Variants in MYLK2 observed in about 807,000 individuals in gnomAD.
The protein encoded by MYLK2 is myosin light chain kinase 2, also known as myosin light chain kinase 2, skeletal/cardiac muscle.
Under a neutral mutation model 58.2 loss-of-function variants are expected in MYLK2, and 27 were observed. The ratio of observed to expected loss-of-function variants is 0.46; its 90% confidence interval spans 0.34 to 0.64. MYLK2 has a LOEUF of 0.64. Ranked by LOEUF, MYLK2 falls within the 30% of genes least tolerant of loss-of-function variation. MYLK2 has a pLI of 0.01. For synonymous variants in MYLK2, 310 were observed against 296.7 expected (o/e 1.04, Z -0.46); for missense variants, 676 against 764.3 (o/e 0.88, Z 1.36).
Position 31,833,790 on chromosome 20 carries a change from G to A in MYLK2, c.1784G>A (p.Gly595Glu), listed in dbSNP as rs2062319347. 5 of 1,612,616 alleles carry A rather than the reference G, an allele frequency of 3.1e-6. No homozygotes were observed. The highest frequency in any genetic ancestry group is 1.7e-5 in the Admixed American group (1 of 60,010). Residue 595 changes from glycine (G) to glutamate (E), a missense_variant, in exon 13 of 13, where the codon GGG (glycine) becomes GAG (glutamate). This residue lies in a region of MYLK2 where 370 missense variants were observed against 467.8 expected (regional missense o/e 0.79). Coordinates refer to ENST00000375985, the MANE Select transcript of MYLK2 (RefSeq NM_033118.4). ...AGCTCGGGGGCACTGATGGCTCTGG[G>A]GGTCTGAGCCCTGGGCGCAGCTGAA... The part of the protein sequence containing the change: ...ISSSGALMAL[G>E]V
At chr20:31,823,815 G>A (rs752238917) in intron 5 of MYLK2, 3 of 521,012 alleles carry the variant, frequency 5.8e-6, no homozygotes, top group Non-Finnish European at 7.4e-6. Flanking sequence ...GCTTCCGTAG[G>A]AAATACACAG....
chr20:31,822,033 C>A (rs907096737), intron 4 of MYLK2, among the ~76,000 whole-genome samples: 12 of 152,152 alleles, frequency 7.9e-5, no homozygotes, highest in African/African-American at 2.9e-4. Flanking sequence ...GGACTACAGG[C>A]GTGTACAACC....
chr20:31,823,520 G>T lies in MYLK2; in HGVS notation c.816G>T (p.Val272=). 6.2e-7 allele frequency: 1 copy of T among 1,613,832 alleles called. No individual in the cohort carries two copies. Among genetic ancestry groups the T allele is most frequent in the Non-Finnish European group, 8.5e-7 (1 of 1,180,024 alleles). Residue 272 remains valine, a synonymous_variant, in exon 5 of 13, where the codon GTG becomes GTT. Transcript: ENST00000375985. ...PPPAPFPHRM[V]ELRTGNVSSE... ...CGGCCCCCTTCCCTCACCGCATGGT[G>T]GAGCTGAGGACCGGGAATGTCAGCA...
chr20:31,820,219 C>T lies in MYLK2; in HGVS notation c.146C>T (p.Thr49Ile), dbSNP rs776859238. The change falls in exon 3 of 13, where the codon ACC becomes ATC. Residue 49 changes from threonine (T) to isoleucine (I), a missense_variant. This residue lies in a region of MYLK2 where 306 missense variants were observed against 296.5 expected (regional missense o/e 1.03). Coordinates refer to ENST00000375985, the MANE Select transcript of MYLK2 (RefSeq NM_033118.4). The part of the protein sequence containing the change: ...PDPKKAPDPP[T>I]LKKDAKAPAS... ...CCAAAGAAAGCTCCGGATCCACCCA[C>T]CCTGAAGAAAGATGCCAAAGCCCCT... 19 of 1,613,992 alleles carry T rather than the reference C, an allele frequency of 1.2e-5. No homozygotes were observed. Among genetic ancestry groups the T allele is most frequent in the Non-Finnish European group, 1.6e-5 (19 of 1,180,012 alleles).
chr20:31,824,166 T>A (rs1293428275), intron 5 of MYLK2, 93 bp from the exon 6 acceptor site: 1 of 1,548,726 alleles, frequency 6.5e-7, no homozygotes, highest in African/African-American at 1.4e-5. Context: ...GAGGCACCAC[T>A]GGGTCTGGGA....
chr20:31,829,662 G>A (rs1600412718), intron 8 of MYLK2, among the ~76,000 whole-genome samples: 1 of 152,368 alleles, frequency 6.6e-6, no homozygotes, highest in Non-Finnish European at 1.5e-5. Flanking sequence ...ATCTCAGGCT[G>A]TTAGTGGCAA....
At chr20:31,830,705 C>T (rs891689284) in intron 8 of MYLK2, 114 bp from the exon 9 acceptor site, 2 of 1,091,434 alleles carry the variant, frequency 1.8e-6, no homozygotes, top group African/African-American at 1.5e-5. Flanking sequence ...TGGCAGCTGC[C>T]CACTCTGGCA....
At chr20:31,830,918 G>A (rs767904737) in intron 9 of MYLK2, 29 bp downstream of exon 9, 2 of 1,504,800 alleles carry the variant, frequency 1.3e-6, no homozygotes, top group Non-Finnish European at 1.8e-6. Context: ...GGGAGGGCAA[G>A]ACAAGCCTCT....
chr20:31,825,801 G>T (rs1440280778), intron 6 of MYLK2, among the ~76,000 whole-genome samples: 1 of 152,170 alleles, frequency 6.6e-6, no homozygotes, highest in Non-Finnish European at 1.5e-5. Flanking sequence ...AGAGAGGCCC[G>T]ATTTACAGCA....
Position 31,833,798 on chromosome 20 carries a change from G to T in MYLK2, c.*1G>T, listed in dbSNP as rs749491327. 2 of 1,612,096 alleles carry T rather than the reference G, an allele frequency of 1.2e-6. No individual in the cohort carries two copies. Among genetic ancestry groups the T allele is most frequent in the East Asian group, 2.2e-5 (1 of 44,878 alleles). On this transcript the variant is annotated 3_prime_UTR_variant, in exon 13 of 13. Transcript: ENST00000375985. ...GGCACTGATGGCTCTGGGGGTCTGA[G>T]CCCTGGGCGCAGCTGAAGCCTGGAC... is the stretch of plus-strand genomic sequence containing the variant.
At chr20:31,831,633 C>T in intron 10 of MYLK2, 70 bp from the exon 11 acceptor site, 2 of 1,570,124 alleles carry the variant, frequency 1.3e-6, no homozygotes, top group South Asian at 1.1e-5. Context: ...GCCCCTGTTC[C>T]CTACCCCTCT....
rs536417465 is a variant in MYLK2, at chr20:31,828,033, G to A, written c.1224+1095G>A. Reference sequence around the variant, plus strand: ...CTCCCGAGTAGCTGGGATTACAGGCGTGTGCCACCATGCCCGGCTAATTTT... The same window carrying A: ...CTCCCGAGTAGCTGGGATTACAGGCATGTGCCACCATGCCCGGCTAATTTT... On this transcript the variant is annotated intron_variant, in intron 8 of 12. Transcript: ENST00000375985. The A allele has an allele frequency of 3.8e-3, 873 of 231,796 alleles. 1 individual carries two copies. Among genetic ancestry groups the A allele is most frequent in the Non-Finnish European group, 5.5e-3 (778 of 141,394 alleles). 14.4% of individuals were successfully genotyped at this position (231,796 alleles called of 1,614,324 possible).
chr20:31,833,574 G>C, intron 12 of MYLK2, 143 bp from the exon 13 acceptor site: 1 of 743,332 alleles, frequency 1.3e-6, no homozygotes, highest in Admixed American at 1.9e-5. Context: ...GTGTCATGGC[G>C]CCTCCCGTGG....
chr20:31,833,682 G>C (rs1382180067), intron 12 of MYLK2, 35 bp from the exon 13 acceptor site: 2 of 1,589,710 alleles, frequency 1.3e-6, no homozygotes, highest in South Asian at 1.1e-5. Flanking sequence ...CCCTGCCCTG[G>C]TGTTGACTGG....
Position 31,821,427 on chromosome 20 carries a change from C to A in MYLK2, c.474-12C>A, listed in dbSNP as rs748888630. On this transcript the variant is annotated splice_polypyrimidine_tract_variant and intron_variant, in intron 3 of 12. Transcript: ENST00000375985. ...CCGCTGAGGGCTTCACCTCTGTGTT[C>A]TCACCTTCTAGTTCTGAGAAGCTGC... 20 of 1,612,864 alleles carry A rather than the reference C, an allele frequency of 1.2e-5. No homozygotes were observed. The South Asian group carries it at 2.2e-4, about 18-fold the overall frequency.
intron 6 of MYLK2, 72 bp from the exon 7 acceptor site, chr20:31,826,533 G>T (rs1434395694): frequency 1.9e-6 from 3 of 1,599,700 alleles, no homozygotes; most frequent in South Asian, 2.2e-5. Context: ...CTGTTCAAGG[G>T]TGCGGGTATG....
At chr20:31,823,796 C>A in intron 5 of MYLK2, 1 of 413,534 alleles carries the variant, frequency 2.4e-6, no homozygotes, top group Non-Finnish European at 3.3e-6. Flanking sequence ...GCACCGTCAG[C>A]CATTCAGTGC....
rs760315347 is a variant in MYLK2 at position 31,833,834 on chromosome 20, A to G, written c.*37A>G. On this transcript the variant is annotated 3_prime_UTR_variant, in exon 13 of 13. Transcript: ENST00000375985. ...AGCTGAAGCCTGGACGCAGCCACAC[A>G]GTGGCCGGGGCTGAAGCCACACAGC... 1 of 1,586,350 alleles carries G rather than the reference A, an allele frequency of 6.3e-7. No homozygotes were observed. The highest frequency in any genetic ancestry group is 8.6e-7 in the Non-Finnish European group (1 of 1,160,546).
intron 8 of MYLK2, chr20:31,828,694 C>G: frequency 2.0e-6 from 2 of 985,434 alleles, no homozygotes; most frequent in Non-Finnish European, 1.2e-6. Flanking sequence ...GATGCTGTTG[C>G]CGCCTCTAAC....
Sources: gnomAD v4.1 joint callset for allele counts (sites outside exome capture counted in the v4.1 genomes callset) on GRCh38, gnomAD v4.1.1 for gene constraint, gnomAD v4.1.1 regional missense constraint, MANE v1.5 for transcripts, NCBI Gene and HGNC (gene_info 2026-07-23, HGNC 2026-07-21) for gene names.